Variants in SNAPC5 observed in about 807,000 individuals in gnomAD.
SNAPC5 encodes small nuclear RNA activating complex polypeptide 5, also known as snRNA-activating protein complex subunit 5.
Under a neutral mutation model 9.1 loss-of-function variants are expected in SNAPC5, and 12 were observed. That is an observed-to-expected ratio of 1.32 (90% CI 0.85 to 2.15). The LOEUF is 2.15. Among genes scored for constraint, SNAPC5 ranks in the 30% most tolerant of loss-of-function variants. SNAPC5 has a pLI of 0.00. For missense variants in SNAPC5, 132 were observed against 114.4 expected (o/e 1.15, Z -0.70); for synonymous variants, 52 against 47.3 (o/e 1.10, Z -0.41).
downstream of SNAPC5, among the ~76,000 whole-genome samples, chr15:66,492,937 A>T (rs1374476909): frequency 6.6e-6 from 1 of 152,188 alleles, no homozygotes; most frequent in African/African-American, 2.4e-5. Flanking sequence ...GCTGGAATTC[A>T]TAGTCAAGTT....
chr15:66,495,317 T>A lies in SNAPC5; in HGVS notation c.180+13A>T. 6.7e-7 allele frequency: 1 copy of A among 1,489,448 alleles called. No homozygotes were observed. Among genetic ancestry groups the A allele is most frequent in the Non-Finnish European group, 9.4e-7 (1 of 1,065,862 alleles). 92.3% of individuals were successfully genotyped at this position (1,489,448 alleles called of 1,614,324 possible). A position where few individuals can be genotyped will look rare whatever the true frequency, so the allele number is the denominator to read the frequency against. On this transcript the variant is annotated intron_variant, in intron 2 of 2. Coordinates refer to ENST00000316634, the MANE Select transcript of SNAPC5 (RefSeq NM_001329615.2). ...TTGCATTCTCTCCTAGGCCTGCACT[T>A]GATTAAGCTTACATCATGTGACTGT...
In SNAPC5 at chr15:66,497,620, CAG is replaced by C. The variant is rs1893484573; in HGVS notation, c.90+20_90+21del. ...TCGCTCGGGAGGAATGGAGGAGGGG[CAG>C]GAGAGGGCCGCGGGGTCACCTTGAG... On this transcript the variant is annotated intron_variant, in intron 1 of 2. Transcript: ENST00000316634. 3 of 1,608,458 alleles carry C rather than the reference CAG, an allele frequency of 1.9e-6. No homozygotes were observed. In the South Asian group the frequency reaches 3.3e-5, roughly 18 times the overall value.
downstream of SNAPC5, chr15:66,493,453 G>A (rs1893322016): frequency 6.6e-6 from 1 of 152,048 alleles, no homozygotes; most frequent in African/African-American, 2.4e-5. Flanking sequence ...TTGGGAGTTC[G>A]AGAGCAGCCT....
At chr15:66,494,909 G>A in intron 2 of SNAPC5, 2 of 304,296 alleles carry the variant, frequency 6.6e-6, no homozygotes, top group East Asian at 7.4e-5. Flanking sequence ...TTACTTGAGG[G>A]CATTTGGTAA....
chr15:66,494,900 T>G (rs1893375726), intron 2 of SNAPC5: 1 of 307,498 alleles, frequency 3.3e-6, no homozygotes. Context: ...TTTGCTGACT[T>G]ACTTGAGGGC....
chr15:66,492,447 C>G (rs1403321264), downstream of SNAPC5: 1 of 153,938 alleles, frequency 6.5e-6, no homozygotes, highest in African/African-American at 2.4e-5. Context: ...TTTTTTTTCT[C>G]TCACTGTGAA....
rs1049154936 is a variant in SNAPC5 at position 66,493,726 on chromosome 15, G to C, written c.*710C>G. ...CATGGCACATCTCTCTTAAGGACCA[G>C]AAATGGATTTCAAACCATCCTGTTG... On this transcript the variant is annotated 3_prime_UTR_variant, in exon 3 of 3. Transcript: ENST00000316634. The C allele has an allele frequency of 6.6e-6, 1 of 152,248 alleles. No homozygotes were observed. Among genetic ancestry groups the C allele is most frequent in the Non-Finnish European group, 1.5e-5 (1 of 68,058 alleles). The allele number at this position is 152,248 out of a possible 1,614,324, so 9.4% of individuals were successfully genotyped here. A position where few individuals can be genotyped will look rare whatever the true frequency, so the allele number is the denominator to read the frequency against.
At chr15:66,492,656 T>C (rs187993923), downstream of SNAPC5, among the ~76,000 whole-genome samples, 1 of 152,176 alleles carries the variant, frequency 6.6e-6, no homozygotes, top group Non-Finnish European at 1.5e-5. Flanking sequence ...ATCTGACCAC[T>C]TTCATGCTCA....
intron 1 of SNAPC5, among the ~76,000 whole-genome samples, chr15:66,495,865 T>C (rs1017632030): frequency 6.6e-6 from 1 of 152,162 alleles, no homozygotes; most frequent in African/African-American, 2.4e-5. Context: ...ATCAATACAC[T>C]CATTAAGTAC....
rs1893342562 is a variant in SNAPC5 at position 66,494,047 on chromosome 15, T to C, written c.*389A>G. The C allele has an allele frequency of 5.0e-6, 1 of 198,020 alleles. No individual in the cohort carries two copies. The highest frequency in any genetic ancestry group is 2.4e-5 in the African/African-American group (1 of 42,330). 12.3% of individuals were successfully genotyped at this position (198,020 alleles called of 1,614,324 possible). On this transcript the variant is annotated 3_prime_UTR_variant, in exon 3 of 3. Coordinates refer to ENST00000316634, the MANE Select transcript of SNAPC5 (RefSeq NM_001329615.2). Reference sequence around the variant, plus strand: ...GGGTTCAGCGGCATGCAAACAGTCTTTAATTGGTTTTCTTCAAAGAGGCAT... The same window carrying C: ...GGGTTCAGCGGCATGCAAACAGTCTCTAATTGGTTTTCTTCAAAGAGGCAT...
At chr15:66,491,471 C>A (rs1893255290), downstream of SNAPC5, 1 of 215,766 alleles carries the variant, frequency 4.6e-6, no homozygotes, top group Non-Finnish European at 9.3e-6. Context: ...ACCATTTTAA[C>A]CTAGATGTTT....
Position 66,497,315 on chromosome 15 carries a change from A to T in SNAPC5, c.90+327T>A, listed in dbSNP as rs574655729. 5.3e-5 allele frequency among the ~76,000 whole-genome samples: 8 copies of T among 152,264 alleles called. No individual in the cohort carries two copies. In the South Asian group the frequency reaches 1.7e-3, roughly 32 times the overall value. ...AGAGGGGTCTAGGCGAGCCTTCGGG[A>T]GGGAGCACTTCCTCAGCGTGCTGTC... is the stretch of plus-strand genomic sequence containing the variant. On this transcript the variant is annotated intron_variant, in intron 1 of 2. Coordinates refer to ENST00000316634, the MANE Select transcript of SNAPC5 (RefSeq NM_001329615.2).
At chr15:66,490,621 T>G (rs1445596534), downstream of SNAPC5, 4 of 1,612,606 alleles carry the variant, frequency 2.5e-6, no homozygotes, top group Non-Finnish European at 3.4e-6. Context: ...TCTAAGTGTT[T>G]GGGAAGCAAC....
At chr15:66,491,017 C>G, downstream of SNAPC5, 1 of 423,072 alleles carries the variant, frequency 2.4e-6, no homozygotes, top group Non-Finnish European at 4.4e-6. Context: ...GCTGGGCATA[C>G]TTTCTCTCTA....
chr15:66,492,127 G>A (rs919770230), downstream of SNAPC5: 7 of 449,964 alleles, frequency 1.6e-5, no homozygotes, highest in South Asian at 1.6e-5. Flanking sequence ...TGTGCCTGGC[G>A]CTGGCTTTGT....
At chr15:66,496,177 G>GA (rs915599006) in intron 1 of SNAPC5, among the ~76,000 whole-genome samples, 4 of 149,282 alleles carry the variant, frequency 2.7e-5, no homozygotes, top group Non-Finnish European at 4.4e-5. Flanking sequence ...TAAAGTTTCT[G>GA]AAAAAGGGCC....
chr15:66,494,211 T>A lies in SNAPC5; in HGVS notation c.*225A>T, dbSNP rs1418585796. On this transcript the variant is annotated 3_prime_UTR_variant, in exon 3 of 3. Coordinates refer to ENST00000316634, the MANE Select transcript of SNAPC5 (RefSeq NM_001329615.2). Reference sequence around the variant, plus strand: ...AGATTACAGACAGCACCACCCATATTACTCAATGCTAAGACACAGCATCTT... The same window carrying A: ...AGATTACAGACAGCACCACCCATATAACTCAATGCTAAGACACAGCATCTT... The A allele has an allele frequency of 1.9e-6, 1 of 526,040 alleles. No individual in the cohort carries two copies. Among genetic ancestry groups the A allele is most frequent in the Non-Finnish European group, 3.4e-6 (1 of 290,136 alleles). The allele number at this position is 526,040 out of a possible 1,614,324, so 32.6% of individuals were successfully genotyped here.
At chr15:66,490,485 C>T (rs201274410), downstream of SNAPC5, 18 of 1,562,510 alleles carry the variant, frequency 1.2e-5, no homozygotes, top group East Asian at 1.1e-4. Flanking sequence ...CACGTCCTCT[C>T]GTTTCCTTAC....
At chr15:66,491,130 ATTAT>A (rs1465797997), downstream of SNAPC5, 13 of 285,568 alleles carry the variant, frequency 4.6e-5, no homozygotes, top group Non-Finnish European at 5.3e-5. Flanking sequence ...TTTTATTATT[ATTAT>A]TTGCTTTTCA....
Sources: gnomAD v4.1 joint callset for allele counts (sites outside exome capture counted in the v4.1 genomes callset) on GRCh38, gnomAD v4.1.1 for gene constraint, MANE v1.5 for transcripts, NCBI Gene and HGNC (gene_info 2026-07-23, HGNC 2026-07-21) for gene names.